Variants in UBE3A observed in about 807,000 individuals in gnomAD.
UBE3A encodes the protein ubiquitin-protein ligase E3A.
In UBE3A, 6 loss-of-function variants were observed where a neutral mutation model predicts 83.4. That is an observed-to-expected ratio of 0.07 (90% confidence interval 0.04 to 0.14). UBE3A has a LOEUF of 0.14. Ranked by LOEUF, UBE3A falls within the 10% of genes least tolerant of loss-of-function variation. The pLI is 1.00. For synonymous variants in UBE3A, 337 were observed against 355.4 expected (o/e 0.95, Z 0.58); for missense variants, 456 against 1,036.1 (o/e 0.44, Z 7.69).
chr15:25,367,338 A>T (rs2079484617), intron 6 of UBE3A, among the ~76,000 whole-genome samples: 1 of 151,430 alleles, frequency 6.6e-6, no homozygotes, highest in Non-Finnish European at 1.5e-5. Context: ...AAAAATGTAA[A>T]TTTGTAAATA....
intron 6 of UBE3A, among the ~76,000 whole-genome samples, chr15:25,368,420 A>G (rs2079692049): frequency 6.6e-6 from 1 of 152,136 alleles, no homozygotes. Context: ...AGCAAGGGAG[A>G]AAGAAAGTTA....
At chr15:25,364,063 T>TAAATAAATAAAC (rs2078602007) in intron 6 of UBE3A, among the ~76,000 whole-genome samples, 1 of 150,306 alleles carries the variant, frequency 6.7e-6, no homozygotes, top group East Asian at 1.9e-4. Context: ...AATAAATAAA[T>TAAATAAATAAAC]AAATAAATAA....
At chr15:25,367,457 G>A (rs12904031) in intron 6 of UBE3A, among the ~76,000 whole-genome samples, 18,094 of 151,834 alleles carry the variant, frequency 0.12, 1,156 homozygotes, top group Middle Eastern at 0.23. Context: ...GAACAATAAC[G>A]AAAAAATACT....
At chr15:25,407,189 G>A (rs1363658910) in intron 3 of UBE3A, 13 of 1,335,662 alleles carry the variant, frequency 9.7e-6, no homozygotes, top group South Asian at 1.2e-5. Flanking sequence ...TTGAAAGTGC[G>A]ACCCTCCAGC....
chr15:25,398,622 A>C (rs1219612002), intron 4 of UBE3A, among the ~76,000 whole-genome samples: 1 of 151,256 alleles, frequency 6.6e-6, no homozygotes. Flanking sequence ...CCTCCTTTTT[A>C]TGGCTGAAGT....
chr15:25,373,234 C>T (rs2080603775), intron 5 of UBE3A, among the ~76,000 whole-genome samples: 1 of 152,118 alleles, frequency 6.6e-6, no homozygotes, highest in Non-Finnish European at 1.5e-5. Flanking sequence ...CTCCTAATTT[C>T]CTAAAATGTA....
intron 4 of UBE3A, among the ~76,000 whole-genome samples, chr15:25,384,467 A>C (rs2082739467): frequency 6.6e-6 from 1 of 151,660 alleles, no homozygotes. Context: ...CTCAAAAAAA[A>C]AAAAAAAAGA....
intron 5 of UBE3A, chr15:25,373,678 CA>C (rs2080699212): frequency 6.6e-6 from 1 of 152,046 alleles, no homozygotes. Flanking sequence ...GGGGTTTCAC[CA>C]CGTTGGCCAG....
intron 9 of UBE3A, 56 bp downstream of exon 9, chr15:25,355,836 A>G (rs1327436786): frequency 1.3e-6 from 2 of 1,498,874 alleles, no homozygotes; most frequent in Non-Finnish European, 1.9e-6. Context: ...TTATAAGCAT[A>G]CATGCTTTGA....
At chr15:25,402,603 A>AC (rs1434269449) in intron 4 of UBE3A, among the ~76,000 whole-genome samples, 1 of 152,114 alleles carries the variant, frequency 6.6e-6, no homozygotes, top group East Asian at 1.9e-4. Context: ...GTTTGGGGCC[A>AC]TGGGGGCCTG....
intron 4 of UBE3A, among the ~76,000 whole-genome samples, chr15:25,403,110 T>C (rs1308752387): frequency 1.3e-5 from 2 of 152,192 alleles, no homozygotes; most frequent in Non-Finnish European, 2.9e-5. Context: ...ATACCATGCA[T>C]AATCTTCTGG....
At chr15:25,388,708 G>GA (rs761831643) in intron 4 of UBE3A, among the ~76,000 whole-genome samples, 16 of 151,376 alleles carry the variant, frequency 1.1e-4, no homozygotes, top group African/African-American at 4.9e-5. Flanking sequence ...GACAGGAATT[G>GA]AAAAAAAGAA....
chr15:25,341,688 GGGAGGC>G (rs1301295147), intron 11 of UBE3A, among the ~76,000 whole-genome samples: 1 of 150,448 alleles, frequency 6.6e-6, no homozygotes, highest in Non-Finnish European at 1.5e-5. Flanking sequence ...GCTTGAACAT[GGGAGGC>G]GGAGGCTGCA....
rs139988659 is a variant in UBE3A at position 25,355,386 on chromosome 15, G to GTA, written c.2124+504_2124+505dup. ...ATCAATATAAACATGTTTCTTAAAG[G>GTA]TATACTATATATTTGTCATAATTTT... On this transcript the variant is annotated intron_variant, in intron 9 of 12. Coordinates refer to ENST00000648336, the MANE Select transcript of UBE3A (RefSeq NM_130839.5). Among the ~76,000 whole-genome samples the GTA allele has an allele frequency of 3.4e-3, 510 of 152,110 alleles. 10 individuals carry two copies. Among genetic ancestry groups the GTA allele is most frequent in the Admixed American group, 0.022 (335 of 15,274 alleles).
At chr15:25,409,833 C>T (rs1027714664) in intron 2 of UBE3A, among the ~76,000 whole-genome samples, 3 of 152,138 alleles carry the variant, frequency 2.0e-5, no homozygotes, top group African/African-American at 7.2e-5. Context: ...TATACATACA[C>T]ATAAACACAC....
intron 11 of UBE3A, chr15:25,346,906 C>A (rs559956911): frequency 6.6e-6 from 1 of 152,168 alleles, no homozygotes; most frequent in East Asian, 1.9e-4. Flanking sequence ...AAAAGAGTGA[C>A]GCTGAAAGAA....
At chr15:25,425,426 A>G (rs1173731664) in intron 1 of UBE3A, among the ~76,000 whole-genome samples, 5 of 152,166 alleles carry the variant, frequency 3.3e-5, no homozygotes, top group Non-Finnish European at 7.4e-5. Context: ...TAAAAGGGTG[A>G]ATTTTATAGT....
rs1260418313 is a variant in UBE3A at position 25,364,641 on chromosome 15, G to GTTTT, written c.1609-4115_1609-4114insAAAA. Among the ~76,000 whole-genome samples the GTTTT allele has an allele frequency of 2.3e-3, 306 of 132,418 alleles. 8 individuals carry two copies. The highest frequency in any genetic ancestry group is 8.6e-3 in the African/African-American group (278 of 32,416). The allele number at this position is 132,418 out of a possible 152,430, so 86.9% of individuals were successfully genotyped here. ...CACGTGGATTTTTAGGGTTTTTTTT[G>GTTTT]TTTGTTTTTTTTTTTTTTTTGAGAC... On this transcript the variant is annotated intron_variant, in intron 6 of 12. Transcript: ENST00000648336.
intron 4 of UBE3A, among the ~76,000 whole-genome samples, chr15:25,385,635 TTAAAAA>T (rs1193649873): frequency 6.6e-6 from 1 of 151,920 alleles, no homozygotes; most frequent in African/African-American, 2.4e-5. Context: ...AATGACAAAC[TTAAAAA>T]TAAACAAATC....
Sources: allele counts gnomAD v4.1 joint callset (sites outside exome capture counted in the v4.1 genomes callset), GRCh38; gene constraint gnomAD v4.1.1; transcripts MANE v1.5; gene names NCBI Gene and HGNC (gene_info 2026-07-23, HGNC 2026-07-21).